MEF2C: variants seen among roughly 807,000 people sequenced by gnomAD.
MEF2C encodes the protein myocyte-specific enhancer factor 2C.
A neutral mutation model predicts 50.5 loss-of-function variants in MEF2C; 6 were observed. The ratio of observed to expected loss-of-function variants is 0.12; its 90% CI spans 0.07 to 0.23. The LOEUF (loss-of-function observed/expected upper bound fraction) is 0.23. MEF2C is among the 10% of genes least tolerant of loss of function. The pLI, the probability that MEF2C is intolerant of heterozygous loss-of-function variation, is 1.00. For missense variants in MEF2C, 276 were observed against 605.0 expected (o/e 0.46, Z 5.70); for synonymous variants, 183 against 228.0 (o/e 0.80, Z 1.78).
intron 6 of MEF2C, chr5:88,741,288 T>C: frequency 2.0e-6 from 2 of 984,930 alleles, no homozygotes; most frequent in Non-Finnish European, 2.4e-6. Context: ...TCACATTTAT[T>C]AACAAGCACT....
Position 88,751,362 on chromosome 5 carries a change from C to A in MEF2C, c.589+495G>T, listed in dbSNP as rs754072759. On this transcript the variant is annotated intron_variant, in intron 5 of 10. Coordinates refer to ENST00000504921, the MANE Select transcript of MEF2C (RefSeq NM_002397.5). ...TCACATGTCTTACAAATGATGCTAT[C>A]TTATCATATTTCCTTTCTGCCTAAG... The A allele has an allele frequency of 1.4e-5, 14 of 985,262 alleles. No individual in the cohort carries two copies. In the Admixed American group the frequency reaches 8.6e-4, roughly 61 times the overall value. 61.0% of individuals were successfully genotyped at this position (985,262 alleles called of 1,614,324 possible).
At chr5:88,871,824 A>G (rs13155750) in intron 1 of MEF2C, among the ~76,000 whole-genome samples, 29,505 of 151,966 alleles carry the variant, frequency 0.19, 3,105 homozygotes, top group East Asian at 0.25. Context: ...AAAATACCCA[A>G]ATTAAGACAA....
chr5:88,885,513 C>G (rs1046020230), upstream of MEF2C, among the ~76,000 whole-genome samples: 1 of 151,686 alleles, frequency 6.6e-6, no homozygotes, highest in South Asian at 2.1e-4. Context: ...TTTTGTTTGC[C>G]GGTTTTTCAA....
At chr5:88,746,544 T>C (rs1769752602) in intron 6 of MEF2C, 2 of 985,216 alleles carry the variant, frequency 2.0e-6, no homozygotes, top group Non-Finnish European at 2.4e-6. Flanking sequence ...CTCAAGAGTT[T>C]CAAACTTTAT....
chr5:88,847,120 C>T (rs1050839810), intron 1 of MEF2C, among the ~76,000 whole-genome samples: 10 of 152,150 alleles, frequency 6.6e-5, no homozygotes, highest in African/African-American at 2.4e-4. Context: ...TTGTAATTTT[C>T]ATTTATCAAC....
At chr5:88,865,530 T>A (rs1827013807) in intron 1 of MEF2C, among the ~76,000 whole-genome samples, 1 of 152,210 alleles carries the variant, frequency 6.6e-6, no homozygotes, top group African/African-American at 2.4e-5. Context: ...AGTCTTAGGG[T>A]AATCCAGGCC....
intron 3 of MEF2C, among the ~76,000 whole-genome samples, chr5:88,791,615 A>G (rs1405133297): frequency 6.6e-6 from 1 of 152,104 alleles, no homozygotes; most frequent in Non-Finnish European, 1.5e-5. Flanking sequence ...TGTTTATAAA[A>G]CATGTAAATT....
chr5:88,773,751 C>G (rs982919153), intron 3 of MEF2C, among the ~76,000 whole-genome samples: 1 of 152,166 alleles, frequency 6.6e-6, no homozygotes, highest in Non-Finnish European at 1.5e-5. Context: ...CAAATGTTCC[C>G]CCTTGAAAAC....
At chr5:88,804,533 G>C in intron 3 of MEF2C, 65 bp downstream of exon 3, 2 of 1,391,300 alleles carry the variant, frequency 1.4e-6, no homozygotes, top group Non-Finnish European at 2.0e-6. Flanking sequence ...ATGTGTGTGT[G>C]GCAGGGGGAG....
rs567475250 is a variant in MEF2C at position 88,824,228 on chromosome 5, A to C, written c.-142-298T>G. ...TATTTTTTTTTGTAAAAAGTTTCCT[A>C]ATCTTTTTAATGAAATTAGGTGACA... On this transcript the variant is annotated intron_variant, in intron 1 of 10. Transcript: ENST00000504921. 1.5e-4 allele frequency: 143 copies of C among 976,626 alleles called. 1 individual carries two copies. In the South Asian group the frequency reaches 3.6e-3, roughly 24 times the overall value. The allele number at this position is 976,626 out of a possible 1,614,324, so 60.5% of individuals were successfully genotyped here.
chr5:88,894,503 T>C (rs1834911346), intron 1 of MEF2C, among the ~76,000 whole-genome samples: 2 of 152,188 alleles, frequency 1.3e-5, no homozygotes, highest in Admixed American at 1.3e-4. Context: ...TATTTAGAAA[T>C]CTCCTCAGGG....
At chr5:88,751,338 C>T in intron 5 of MEF2C, 1 of 985,320 alleles carries the variant, frequency 1.0e-6, no homozygotes. Context: ...GTTTTTATTT[C>T]ACATGTCTTA....
At chr5:88,782,281 C>A in intron 3 of MEF2C, 1 of 479,716 alleles carries the variant, frequency 2.1e-6, no homozygotes, top group African/African-American at 2.1e-5. Flanking sequence ...GCCTGGGCAA[C>A]ATGGCAAAAT....
chr5:88,738,578 T>G, intron 6 of MEF2C: 3 of 977,410 alleles, frequency 3.1e-6, no homozygotes, highest in Non-Finnish European at 3.6e-6. Context: ...ATGTCCAGAG[T>G]CCATGCCCTG....
chr5:88,895,767 C>A lies in MEF2C; in HGVS notation c.-240+8149G>T, dbSNP rs141957828. On this transcript the variant is annotated intron_variant, in intron 1 of 11. Coordinates refer to the MEF2C transcript ENST00000340208. ...GCTTCTTTCTCCTCTGGGCCTTCCA[C>A]TGATGCGACCTACAAAGTCCTTTCA... Among the ~76,000 whole-genome samples, 9 of 152,218 alleles carry A rather than the reference C, an allele frequency of 5.9e-5. No individual in the cohort carries two copies. The East Asian group carries it at 1.7e-3, about 29-fold the overall frequency.
In MEF2C at chr5:88,882,952, T is replaced by C. The variant is rs974474568; in HGVS notation, c.-143+3A>G. ...TTCCTCGAGAAATATCAGGGGTACT[T>C]ACATGAAGGAAGACCCGATCAGATT... On this transcript the variant is annotated splice_donor_region_variant and intron_variant, in intron 1 of 10. Transcript: ENST00000504921. 2 of 151,834 alleles carry C rather than the reference T, an allele frequency of 1.3e-5. No individual in the cohort carries two copies. The highest frequency in any genetic ancestry group is 4.8e-5 in the African/African-American group (2 of 41,274). The allele number at this position is 151,834 out of a possible 1,614,324, so 9.4% of individuals were successfully genotyped here.
chr5:88,723,437 T>C (rs1262855917), intron 10 of MEF2C, among the ~76,000 whole-genome samples: 2 of 152,228 alleles, frequency 1.3e-5, no homozygotes, highest in Non-Finnish European at 2.9e-5. Flanking sequence ...CACATAGTCT[T>C]CAGAGAAAGT....
intron 6 of MEF2C, chr5:88,733,836 G>A (rs1762708678): frequency 2.0e-6 from 2 of 985,270 alleles, no homozygotes; most frequent in African/African-American, 1.7e-5. Flanking sequence ...TAAGTGACAG[G>A]ACTCACTTAA....
At chr5:88,734,136 T>C in intron 6 of MEF2C, 1 of 984,806 alleles carries the variant, frequency 1.0e-6, no homozygotes, top group Non-Finnish European at 1.2e-6. Flanking sequence ...ATCATTATTG[T>C]GAATATGTTA....
Sources: gnomAD v4.1 joint callset for allele counts (sites outside exome capture counted in the v4.1 genomes callset) on GRCh38, gnomAD v4.1.1 for gene constraint, MANE v1.5 for transcripts, NCBI Gene and HGNC (gene_info 2026-07-23, HGNC 2026-07-21) for gene names.